Variants in RAI1 observed in about 807,000 individuals in gnomAD.
RAI1 encodes the protein retinoic acid induced 1.
In RAI1, 9 loss-of-function variants were observed where a neutral mutation model predicts 123.8. That is an observed-to-expected ratio of 0.07 (90% CI 0.04 to 0.13). The LOEUF is 0.13. RAI1 is among the 10% of genes least tolerant of loss of function. The pLI is 1.00. For synonymous variants in RAI1, 1,231 were observed against 1,127.3 expected (o/e 1.09, Z -1.84); for missense variants, 2,256 against 2,545.8 (o/e 0.89, Z 2.45).
rs537489679 is a variant in RAI1, at chr17:17,723,671, C to G, written c.-148-357C>G. On this transcript the variant is annotated intron_variant, in intron 1 of 5. Coordinates refer to ENST00000353383, the MANE Select transcript of RAI1 (RefSeq NM_030665.4). The stretch of plus-strand genomic sequence containing the variant: ...CCTTCCCGAGCTCATCTCTCGCCCC[C>G]CCGCCCGCCTCCTCCTTCCCTGCCC... 2.0e-5 allele frequency among the ~76,000 whole-genome samples: 3 copies of G among 148,966 alleles called. No individual in the cohort carries two copies. The South Asian group carries it at 6.5e-4, about 32-fold the overall frequency.
chr17:17,765,762 G>A (rs1230387356), intron 2 of RAI1: 4 of 152,236 alleles, frequency 2.6e-5, no homozygotes, highest in African/African-American at 4.8e-5. Context: ...CCCACTCTTG[G>A]ACACACAGGA....
intron 2 of RAI1, among the ~76,000 whole-genome samples, chr17:17,728,626 G>C (rs8080139): frequency 0.63 from 94,827 of 151,316 alleles, 30,710 homozygotes; most frequent in African/African-American, 0.81. Flanking sequence ...TTTAGGGACT[G>C]TCTTCCAGTG....
Position 17,800,617 on chromosome 17 carries a change from C to T in RAI1, c.5565+2104C>T, listed in dbSNP as rs1289912083. Among the ~76,000 whole-genome samples, 2 of 152,210 alleles carry T rather than the reference C, an allele frequency of 1.3e-5. No homozygotes were observed. Among genetic ancestry groups the T allele is most frequent in the Non-Finnish European group, 1.5e-5 (1 of 68,036 alleles). On this transcript the variant is annotated intron_variant, in intron 3 of 5. Transcript: ENST00000353383. The surrounding 1 kb of genome is among the most constrained non-coding windows in gnomAD (Gnocchi z 4.7). ...GAGAGGCGCTAGCTTCCCTACACCA[C>T]GCGGGGGCTGGAACTTGCCAGCCCA...
At position 17,809,838 on chromosome 17, in the gene RAI1, G is replaced by C; in HGVS notation, c.5710-132G>C. ...CAGAAGGGGTGGTGCCGACGGCCTC[G>C]GGCGGAGACCCCAGCCGCGCTCTGG... On this transcript the variant is annotated intron_variant, in intron 5 of 5. Coordinates refer to ENST00000353383, the MANE Select transcript of RAI1 (RefSeq NM_030665.4). The surrounding 1 kb of genome is among the most constrained non-coding windows in gnomAD (Gnocchi z 4.9). 1 of 1,290,252 alleles carries C rather than the reference G, an allele frequency of 7.8e-7. No individual in the cohort carries two copies. Among genetic ancestry groups the C allele is most frequent in the Non-Finnish European group, 1.1e-6 (1 of 922,048 alleles). The allele number at this position is 1,290,252 out of a possible 1,614,324, so 79.9% of individuals were successfully genotyped here.
rs544363484 is a variant in RAI1 at position 17,789,898 on chromosome 17, GGTGCCCTCCCTT to G, written c.-16-3032_-16-3021del. Among the ~76,000 whole-genome samples the G allele has an allele frequency of 9.2e-5, 14 of 152,214 alleles. No individual in the cohort carries two copies. In the East Asian group the frequency reaches 2.7e-3, roughly 29 times the overall value. The stretch of plus-strand genomic sequence containing the variant: ...TGAGGAGTGAGCCCAGTGGGTGGGG[GGTGCCCTCCCTT>G]GTCCCCTCTCACCACCCCTTCTCCC... On this transcript the variant is annotated intron_variant, in intron 2 of 5. Transcript: ENST00000353383.
chr17:17,729,448 C>T (rs2142944538), intron 2 of RAI1, among the ~76,000 whole-genome samples: 1 of 152,364 alleles, frequency 6.6e-6, no homozygotes, highest in South Asian at 2.1e-4. Context: ...CATGTGCCAC[C>T]TCTGTGTTCC....
intron 2 of RAI1, among the ~76,000 whole-genome samples, chr17:17,750,513 A>G (rs140202962): frequency 0.04 from 5,998 of 151,804 alleles, 393 homozygotes; most frequent in African/African-American, 0.13. Flanking sequence ...CCTGAGGTCG[A>G]GAGTTTGAGA....
intron 2 of RAI1, among the ~76,000 whole-genome samples, chr17:17,786,832 G>A (rs1054085729): frequency 2.0e-5 from 3 of 152,220 alleles, no homozygotes; most frequent in African/African-American, 7.2e-5. Context: ...CCAGCACTTT[G>A]GGAGGCTGAG....
At position 17,808,414 on chromosome 17, in the gene RAI1, ATTATTTTATT is replaced by A. The variant is rs71155304; in HGVS notation, c.5660-939_5660-930del. Among the ~76,000 whole-genome samples, 584 of 125,830 alleles carry A rather than the reference ATTATTTTATT, an allele frequency of 4.6e-3. 5 individuals carry two copies. The highest frequency in any genetic ancestry group is 0.017 in the East Asian group (80 of 4,728). 82.5% of individuals were successfully genotyped at this position (125,830 alleles called of 152,430 possible). ...ATTTTATTTTATTTTATTTTATTTT[ATTATTTTATT>A]TTATTTTATTTTATTTTATTTTATT... is the stretch of plus-strand genomic sequence containing the variant. On this transcript the variant is annotated intron_variant, in intron 4 of 5. Transcript: ENST00000353383.
intron 1 of RAI1, among the ~76,000 whole-genome samples, chr17:17,688,626 C>T (rs1431428748): frequency 1.3e-5 from 2 of 152,170 alleles, no homozygotes; most frequent in East Asian, 3.9e-4. Context: ...GATGGAGTCT[C>T]GCTCTGTCGC....
At position 17,696,333 on chromosome 17, in the gene RAI1, T is replaced by C. The variant is rs1432809137; in HGVS notation, c.-149+14540T>C. Among the ~76,000 whole-genome samples the C allele has an allele frequency of 2.0e-5, 3 of 152,040 alleles. No homozygotes were observed. In the East Asian group the frequency reaches 5.8e-4, roughly 29 times the overall value. On this transcript the variant is annotated intron_variant, in intron 1 of 5. Transcript: ENST00000353383. ...GCTTATTATAGACTTTTGGAAAATA[T>C]GACAAATTAAAAAAAAATTCACCCG...
At chr17:17,702,525 T>C (rs1390312030) in intron 1 of RAI1, among the ~76,000 whole-genome samples, 2 of 152,210 alleles carry the variant, frequency 1.3e-5, no homozygotes, top group African/African-American at 4.8e-5. Context: ...TGTCCCCAGA[T>C]GTCCTTGCAG....
intron 2 of RAI1, among the ~76,000 whole-genome samples, chr17:17,734,526 A>G (rs1353496591): frequency 1.3e-5 from 2 of 152,212 alleles, no homozygotes; most frequent in Non-Finnish European, 2.9e-5. Context: ...AACAAATGGT[A>G]CTTATCCTCC....
chr17:17,722,458 C>G (rs1209008795), intron 1 of RAI1, among the ~76,000 whole-genome samples: 1 of 152,200 alleles, frequency 6.6e-6, no homozygotes, highest in Non-Finnish European at 1.5e-5. Context: ...GGGACTGCAG[C>G]GAAGAGGGGC....
chr17:17,748,104 G>A (rs2029997147), intron 2 of RAI1, among the ~76,000 whole-genome samples: 1 of 152,232 alleles, frequency 6.6e-6, no homozygotes, highest in Non-Finnish European at 1.5e-5. Context: ...GAAGGCGAAA[G>A]GCATGTCTTA....
chr17:17,767,358 C>G (rs1038281342), intron 2 of RAI1, among the ~76,000 whole-genome samples: 1 of 151,954 alleles, frequency 6.6e-6, no homozygotes, highest in South Asian at 2.1e-4. Flanking sequence ...AATTCCTGTT[C>G]CCATTCATTC....
intron 2 of RAI1, chr17:17,778,566 G>C (rs2031437738): frequency 2.7e-6 from 1 of 363,978 alleles, no homozygotes; most frequent in African/African-American, 2.1e-5. Flanking sequence ...CCCGGCACCA[G>C]AGTCTAGCCA....
rs778508332 is a variant in RAI1 at position 17,793,613 on chromosome 17, ACTC to A, written c.672_674del (p.Ser225del). The A allele has an allele frequency of 1.9e-6, 3 of 1,610,858 alleles. No individual in the cohort carries two copies. The highest frequency in any genetic ancestry group is 2.2e-5 in the East Asian group (1 of 44,792). ...CAGTCCTTCCCCACCTCCTCCACCT[ACTC>A]CTCCTCTGTCCAGGGTGGTGGGCAG... On this transcript the variant is annotated inframe_deletion, in exon 3 of 6. Transcript: ENST00000353383.
In RAI1 at chr17:17,797,763, C is replaced by T. The variant is rs1459948254; in HGVS notation, c.4815C>T (p.Asp1605=). The T allele has an allele frequency of 3.7e-6, 6 of 1,614,094 alleles. No homozygotes were observed. Among genetic ancestry groups the T allele is most frequent in the South Asian group, 1.1e-5 (1 of 91,092 alleles). ...FSPFVRVEKR[D]AFTTICTVVN... ...CCTTCGTGCGGGTGGAGAAGCGAGA[C>T]GCGTTCACCACCATATGCACTGTTG... The change falls in exon 3 of 6, where the codon GAC becomes GAT. Residue 1605 remains aspartate (D), a synonymous_variant. Coordinates refer to ENST00000353383, the MANE Select transcript of RAI1 (RefSeq NM_030665.4).
Sources: allele counts gnomAD v4.1 joint callset (sites outside exome capture counted in the v4.1 genomes callset), GRCh38; gene constraint gnomAD v4.1.1; non-coding constraint Gnocchi (gnomAD v3.1); transcripts MANE v1.5; gene names NCBI Gene and HGNC (gene_info 2026-07-23, HGNC 2026-07-21).